The following PREX2 variants were observed in gnomAD, a reference collection of about 807,000 sequenced individuals.
The protein encoded by PREX2 is phosphatidylinositol 3,4,5-trisphosphate-dependent Rac exchanger 2 protein.
In PREX2, 107 loss-of-function variants were observed where a neutral mutation model predicts 203.2. That is an observed-to-expected ratio of 0.53 (90% CI 0.45 to 0.62). The LOEUF is 0.62. Ranked by LOEUF, PREX2 falls within the 20% of genes least tolerant of loss-of-function variation. The pLI is 0.00. For synonymous variants in PREX2, 672 were observed against 663.6 expected (o/e 1.01, Z -0.19); for missense variants, 1,777 against 1,955.9 (o/e 0.91, Z 1.72).
intron 33 of PREX2, among the ~76,000 whole-genome samples, chr8:68,143,565 TGAAGAG>T (rs58369276): frequency 0.42 from 62,907 of 151,506 alleles, 14,305 homozygotes; most frequent in African/African-American, 0.6. Flanking sequence ...TTGTTGAGTT[TGAAGAG>T]TTATCTGTGT....
intron 39 of PREX2, among the ~76,000 whole-genome samples, chr8:68,230,930 A>AC (rs1176144475): frequency 6.6e-6 from 1 of 152,100 alleles, no homozygotes; most frequent in Non-Finnish European, 1.5e-5. Flanking sequence ...AAATCAGTAG[A>AC]CCCCTATGAG....
At chr8:68,142,297 C>A (rs986072821) in intron 33 of PREX2, among the ~76,000 whole-genome samples, 6 of 152,146 alleles carry the variant, frequency 3.9e-5, no homozygotes, top group African/African-American at 1.4e-4. Context: ...CCTCCTCCCT[C>A]CCACTCTGCA....
At chr8:68,052,975 TA>T in intron 8 of PREX2, 121 bp from the exon 9 acceptor site, 1 of 800,204 alleles carries the variant, frequency 1.2e-6, no homozygotes, top group Non-Finnish European at 2.0e-6. Context: ...TATACATATG[TA>T]AAGCAAAGAG....
chr8:68,005,505 T>C (rs1807068532), intron 1 of PREX2, among the ~76,000 whole-genome samples: 1 of 152,164 alleles, frequency 6.6e-6, no homozygotes. Flanking sequence ...TGCCCTCACC[T>C]AACAACCACT....
intron 25 of PREX2, among the ~76,000 whole-genome samples, chr8:68,113,793 G>A (rs1445268636): frequency 1.3e-5 from 2 of 152,006 alleles, no homozygotes; most frequent in Non-Finnish European, 2.9e-5. Context: ...GTTTTTACTT[G>A]TCTTCTCTCA....
intron 8 of PREX2, among the ~76,000 whole-genome samples, chr8:68,051,965 C>A (rs1348441147): frequency 6.6e-6 from 1 of 152,068 alleles, no homozygotes; most frequent in East Asian, 1.9e-4. Context: ...TATTATTAGT[C>A]TGACCTCATA....
chr8:68,002,129 C>CTTT (rs60762447), intron 1 of PREX2, among the ~76,000 whole-genome samples: 99,093 of 145,794 alleles, frequency 0.68, 33,978 homozygotes, highest in South Asian at 0.81. Flanking sequence ...TTAATTTTGC[C>CTTT]TTTTTTTCTT....
chr8:68,096,719 T>A (rs1810087929), intron 21 of PREX2, among the ~76,000 whole-genome samples: 1 of 152,042 alleles, frequency 6.6e-6, no homozygotes, highest in African/African-American at 2.4e-5. Context: ...ATAAAAAAAA[T>A]TTAGGTATAG....
chr8:68,165,427 C>CT (rs10718661), intron 35 of PREX2, among the ~76,000 whole-genome samples: 4 of 151,990 alleles, frequency 2.6e-5, no homozygotes, highest in Non-Finnish European at 5.9e-5. Context: ...TTAAGTTTCT[C>CT]TTTTTTTATC....
Position 68,022,093 on chromosome 8 carries a change from T to G in PREX2, c.394T>G (p.Leu132Val). The change falls in exon 4 of 40, where the codon TTA becomes GTA. Residue 132 changes from leucine to valine, a missense_variant. Physicochemically the swap from Leu to Val is conservative, Grantham distance 32. Transcript: ENST00000288368. The stretch of plus-strand genomic sequence containing the variant: ...TAGTAACCATGAGAAGGCACAAAAA[T>G]TACTTCTTGAACTCAACAAAATAAG... ...YCSNHEKAQK[L>V]LLELNKIRTI... 1 of 1,582,906 alleles carries G rather than the reference T, an allele frequency of 6.3e-7. No homozygotes were observed. The highest frequency in any genetic ancestry group is 8.7e-7 in the Non-Finnish European group (1 of 1,151,944).
chr8:68,055,106 A>G (rs1477877932), intron 9 of PREX2, among the ~76,000 whole-genome samples: 1 of 152,064 alleles, frequency 6.6e-6, no homozygotes, highest in Non-Finnish European at 1.5e-5. Flanking sequence ...TGTTCCCCGC[A>G]CTGTCCTCTG....
rs1813201049 is a variant in PREX2, at chr8:68,233,215, A to G, written c.*1837A>G. On this transcript the variant is annotated 3_prime_UTR_variant, in exon 40 of 40. Transcript: ENST00000288368. ...TACAAAAATAACCTTCAAGGATTTA[A>G]CATTTGTAGGACTAATAAAGGAACA... The G allele has an allele frequency of 6.6e-6, 1 of 152,212 alleles. No homozygotes were observed. The highest frequency in any genetic ancestry group is 2.1e-4 in the South Asian group (1 of 4,832). The allele number at this position is 152,212 out of a possible 1,614,324, so 9.4% of individuals were successfully genotyped here.
At chr8:68,196,052 C>G (rs1812388312) in intron 37 of PREX2, among the ~76,000 whole-genome samples, 1 of 152,054 alleles carries the variant, frequency 6.6e-6, no homozygotes, top group African/African-American at 2.4e-5. Context: ...AAAATCTTCC[C>G]AAAGCATTTA....
At chr8:68,080,673 T>G in intron 16 of PREX2, 73 bp from the exon 17 acceptor site, 2 of 1,437,064 alleles carry the variant, frequency 1.4e-6, no homozygotes, top group Non-Finnish European at 1.9e-6. Flanking sequence ...GTGATGCACA[T>G]TACTTCGTTC....
At chr8:68,060,214 A>G (rs1295352964) in intron 10 of PREX2, among the ~76,000 whole-genome samples, 1 of 152,120 alleles carries the variant, frequency 6.6e-6, no homozygotes, top group Non-Finnish European at 1.5e-5. Context: ...TCCTTCCTGG[A>G]TCTTTAAACT....
At chr8:68,047,615 G>A (rs1229278808) in intron 8 of PREX2, among the ~76,000 whole-genome samples, 3 of 150,190 alleles carry the variant, frequency 2.0e-5, no homozygotes, top group Non-Finnish European at 4.4e-5. Flanking sequence ...GCCTAGGCTG[G>A]ACTTGAACCC....
rs201030823 is a variant in PREX2, at chr8:68,053,203, T to C, written c.1050T>C (p.His350=). 2.3e-4 allele frequency: 373 copies of C among 1,613,654 alleles called. No homozygotes were observed. The highest frequency in any genetic ancestry group is 5.0e-4 in the Middle Eastern group (3 of 6,058). Residue 350 remains histidine, a synonymous_variant, in exon 9 of 40, where the codon CAT becomes CAC. Coordinates refer to ENST00000288368, the MANE Select transcript of PREX2 (RefSeq NM_024870.4). ...TGGCAAAAACACCTGAAGAGAAGCA[T>C]GAATGGTTTGAAGCTATTTTGAAAG... The part of the protein sequence containing the change: ...VCMAKTPEEK[H]EWFEAILKER...
chr8:68,234,502 A>G lies in PREX2; in HGVS notation c.*3124A>G, dbSNP rs1490072118. ...ATTATCTCCTATAATTTTTTCTAATATTAATTCCAAATATTACAAAATTTA... is the reference window on the plus strand; with the variant it reads ...ATTATCTCCTATAATTTTTTCTAATGTTAATTCCAAATATTACAAAATTTA... On this transcript the variant is annotated 3_prime_UTR_variant, in exon 40 of 40. Coordinates refer to ENST00000288368, the MANE Select transcript of PREX2 (RefSeq NM_024870.4). 1 of 152,202 alleles carries G rather than the reference A, an allele frequency of 6.6e-6. No homozygotes were observed. The allele number at this position is 152,202 out of a possible 1,614,324, so 9.4% of individuals were successfully genotyped here. A position where few individuals can be genotyped will look rare whatever the true frequency, so the allele number is the denominator to read the frequency against.
intron 34 of PREX2, among the ~76,000 whole-genome samples, chr8:68,155,688 A>G (rs1383032656): frequency 7.9e-5 from 12 of 152,182 alleles, no homozygotes; most frequent in Admixed American, 2.0e-4. Context: ...AAGGGAAAAT[A>G]ATTTACATTT....
Sources: allele counts gnomAD v4.1 joint callset (sites outside exome capture counted in the v4.1 genomes callset), GRCh38; gene constraint gnomAD v4.1.1; transcripts MANE v1.5; gene names NCBI Gene and HGNC (gene_info 2026-07-23, HGNC 2026-07-21).